Variants in TBC1D5 observed in about 807,000 individuals in gnomAD.
The protein encoded by TBC1D5 is TBC1 domain family, member 5.
A neutral mutation model predicts 100.3 loss-of-function variants in TBC1D5; 75 were observed. The observed-to-expected ratio is 0.75, with a 90% CI of 0.62 to 0.91. TBC1D5 has a LOEUF of 0.91. TBC1D5 is among the 40% of genes least tolerant of loss of function. TBC1D5 has a pLI of 0.00. For missense variants in TBC1D5, 910 were observed against 942.4 expected (o/e 0.97, Z 0.45); for synonymous variants, 323 against 325.6 (o/e 0.99, Z 0.09).
At chr3:17,282,252 G>GATAT (rs2080691852) in intron 15 of TBC1D5, among the ~76,000 whole-genome samples, 2 of 152,186 alleles carry the variant, frequency 1.3e-5, no homozygotes, top group African/African-American at 4.8e-5. Context: ...TGACCTCAGG[G>GATAT]ATATAACACA....
chr3:17,367,772 T>C (rs2092246845), intron 13 of TBC1D5, among the ~76,000 whole-genome samples: 1 of 151,956 alleles, frequency 6.6e-6, no homozygotes, highest in African/African-American at 2.4e-5. Context: ...GGCAGGATAA[T>C]TGCTTGAACC....
intron 3 of TBC1D5, among the ~76,000 whole-genome samples, chr3:17,491,721 T>G (rs1412938531): frequency 1.3e-5 from 2 of 152,232 alleles, no homozygotes; most frequent in Non-Finnish European, 2.9e-5. Flanking sequence ...ACTGAAGATT[T>G]CTGCATTGAT....
intron 2 of TBC1D5, among the ~76,000 whole-genome samples, chr3:17,610,987 G>A (rs2061634327): frequency 6.6e-6 from 1 of 152,136 alleles, no homozygotes. Context: ...TCCAGCCTGG[G>A]CGACAAGAGC....
At chr3:17,668,552 C>A (rs1577346490) in intron 1 of TBC1D5, among the ~76,000 whole-genome samples, 1 of 151,954 alleles carries the variant, frequency 6.6e-6, no homozygotes, top group East Asian at 1.9e-4. Flanking sequence ...CTAATATAAT[C>A]TATTAATATT....
At chr3:17,347,716 A>G (rs2090080469) in intron 13 of TBC1D5, among the ~76,000 whole-genome samples, 1 of 152,150 alleles carries the variant, frequency 6.6e-6, no homozygotes, top group Admixed American at 6.5e-5. Flanking sequence ...TTAAATCTAA[A>G]TTATCCCTTG....
intron 1 of TBC1D5, among the ~76,000 whole-genome samples, chr3:17,679,249 A>G (rs984011427): frequency 7.3e-5 from 11 of 151,354 alleles, no homozygotes; most frequent in Non-Finnish European, 1.6e-4. Context: ...AACAGAGACC[A>G]CACCCTCCTA....
intron 1 of TBC1D5, among the ~76,000 whole-genome samples, chr3:17,723,361 A>G (rs1419815855): frequency 6.6e-6 from 1 of 152,188 alleles, no homozygotes; most frequent in African/African-American, 2.4e-5. Context: ...ATAAAAAAAT[A>G]CATTATTAAT....
chr3:17,483,857 C>G (rs915172796), intron 3 of TBC1D5, among the ~76,000 whole-genome samples: 1 of 152,026 alleles, frequency 6.6e-6, no homozygotes, highest in Non-Finnish European at 1.5e-5. Flanking sequence ...ATAATTTAAC[C>G]TTTGAAAGAG....
chr3:17,242,490 C>A (rs534185881), intron 16 of TBC1D5, among the ~76,000 whole-genome samples: 2 of 151,764 alleles, frequency 1.3e-5, no homozygotes, highest in Admixed American at 6.6e-5. Flanking sequence ...TTTGTTATTT[C>A]TTTTCCTTGT....
intron 16 of TBC1D5, 43 bp downstream of exon 16, chr3:17,258,460 GACT>G: frequency 3.9e-6 from 6 of 1,557,382 alleles, no homozygotes; most frequent in Non-Finnish European, 5.3e-6. Flanking sequence ...TGATCTCTGA[GACT>G]ACCTTTGTGA....
chr3:17,412,722 A>G (rs2093963819), intron 4 of TBC1D5, among the ~76,000 whole-genome samples: 1 of 152,172 alleles, frequency 6.6e-6, no homozygotes, highest in African/African-American at 2.4e-5. Flanking sequence ...CTTAGGGTAT[A>G]TATTTTTAAC....
At chr3:17,261,672 C>A (rs376209914) in intron 15 of TBC1D5, among the ~76,000 whole-genome samples, 4 of 151,992 alleles carry the variant, frequency 2.6e-5, no homozygotes, top group East Asian at 3.9e-4. Flanking sequence ...CACGCATGCA[C>A]CAACATGCCT....
intron 1 of TBC1D5, among the ~76,000 whole-genome samples, chr3:17,726,465 A>T (rs1336398723): frequency 6.6e-6 from 1 of 152,242 alleles, no homozygotes; most frequent in Non-Finnish European, 1.5e-5. Flanking sequence ...ATGATTAATG[A>T]TGCTGAGCAT....
chr3:17,166,950 A>G lies in TBC1D5; in HGVS notation c.1933-22T>C, dbSNP rs141540946. The stretch of plus-strand genomic sequence containing the variant: ...TGATCTATTTTCAAAGAAGAAGAAA[A>G]TAAATGAAAAAAATGGATGAGTTTG... On this transcript the variant is annotated intron_variant, in intron 20 of 21. Coordinates refer to ENST00000253692, the Ensembl canonical transcript of TBC1D5. 65 of 1,581,938 alleles carry G rather than the reference A, an allele frequency of 4.1e-5. No individual in the cohort carries two copies. In the African/African-American group the frequency reaches 7.9e-4, roughly 19 times the overall value.
chr3:17,688,000 G>A (rs185045379), intron 1 of TBC1D5, among the ~76,000 whole-genome samples: 1 of 152,292 alleles, frequency 6.6e-6, no homozygotes, highest in Admixed American at 6.5e-5. Flanking sequence ...ATTTTCATTA[G>A]AGAAGTTCAC....
intron 15 of TBC1D5, among the ~76,000 whole-genome samples, chr3:17,261,941 A>G (rs894634641): frequency 2.6e-5 from 4 of 152,212 alleles, no homozygotes; most frequent in African/African-American, 9.6e-5. Flanking sequence ...AGCTACTAGA[A>G]TTCTATATAT....
chr3:17,685,550 A>G (rs1169082548), intron 1 of TBC1D5, among the ~76,000 whole-genome samples: 5 of 152,114 alleles, frequency 3.3e-5, no homozygotes, highest in Non-Finnish European at 7.4e-5. Context: ...TTAAATAAGC[A>G]AATGTACATA....
rs1291734400 is a variant in TBC1D5 at position 17,406,409 on chromosome 3, T to C, written c.276+9A>G. The stretch of plus-strand genomic sequence containing the variant: ...AACCAGAAACTGTAAATAAATATTT[T>C]CTTCTTACCTTCCAGCAAATGCTGC... On this transcript the variant is annotated intron_variant, in intron 5 of 21. Transcript: ENST00000253692. 1 of 1,602,910 alleles carries C rather than the reference T, an allele frequency of 6.2e-7. No individual in the cohort carries two copies. Among genetic ancestry groups the C allele is most frequent in the South Asian group, 1.1e-5 (1 of 88,716 alleles).
At chr3:17,268,499 C>T (rs2079054772) in intron 15 of TBC1D5, among the ~76,000 whole-genome samples, 1 of 152,062 alleles carries the variant, frequency 6.6e-6, no homozygotes, top group South Asian at 2.1e-4. Context: ...TTGTAATATA[C>T]TCACATGTGC....
Sources: gnomAD v4.1 joint callset for allele counts (sites outside exome capture counted in the v4.1 genomes callset) on GRCh38, gnomAD v4.1.1 for gene constraint, MANE v1.5 for transcripts, NCBI Gene and HGNC (gene_info 2026-07-23, HGNC 2026-07-21) for gene names.